COL9A1: variants seen among roughly 807,000 people sequenced by gnomAD.
COL9A1 encodes the protein collagen alpha-1(IX) chain.
In COL9A1, 104 loss-of-function variants were observed where a neutral mutation model predicts 142.6. That is an observed-to-expected ratio of 0.73 (90% CI 0.62 to 0.86). The LOEUF (loss-of-function observed/expected upper bound fraction) is 0.86, where lower values mean the gene tolerates loss of function less well. Among genes scored for constraint, COL9A1 ranks in the 40% least tolerant of loss-of-function variants. COL9A1 has a pLI of 0.00. For missense variants in COL9A1, 1,210 were observed against 1,176.6 expected, an observed-to-expected ratio of 1.03 and a Z score of -0.42; for synonymous variants, 466 against 396.0, an observed-to-expected ratio of 1.18 and a Z score of -2.10.
chr6:70,287,781 A>G (rs1773513105), intron 5 of COL9A1, among the ~76,000 whole-genome samples: 2 of 152,088 alleles, frequency 1.3e-5, no homozygotes, highest in African/African-American at 2.4e-5. Flanking sequence ...TTCTTATTCT[A>G]TCCTTTTTGA....
rs1185236607 is a variant in COL9A1 at position 70,216,467 on chromosome 6, A to C, written c.*430T>G. 15 of 216,210 alleles carry C rather than the reference A, an allele frequency of 6.9e-5. No individual in the cohort carries two copies. The highest frequency in any genetic ancestry group is 1.9e-5 in the Non-Finnish European group (2 of 105,818). 13.4% of individuals were successfully genotyped at this position (216,210 alleles called of 1,614,324 possible). ...TTCATAACTAGTCTAGTAATCCTCT[A>C]TATAACTGAAACAATAATCTGAGAA... On this transcript the variant is annotated 3_prime_UTR_variant, in exon 38 of 38. Coordinates refer to ENST00000357250, the MANE Select transcript of COL9A1 (RefSeq NM_001851.6).
chr6:70,254,887 G>T, intron 24 of COL9A1, 76 bp downstream of exon 24: 1 of 1,329,476 alleles, frequency 7.5e-7, no homozygotes, highest in Non-Finnish European at 1.1e-6. Flanking sequence ...TGGTGATTTA[G>T]TAATGGAAAT....
chr6:70,236,967 G>A (rs549698968), intron 33 of COL9A1, among the ~76,000 whole-genome samples: 79 of 152,210 alleles, frequency 5.2e-4, no homozygotes, highest in African/African-American at 1.8e-3. Flanking sequence ...GATTACAGGC[G>A]TGCGCCATGA....
intron 13 of COL9A1, 55 bp from the exon 14 acceptor site, chr6:70,271,763 C>T (rs763819499): frequency 1.4e-6 from 2 of 1,456,828 alleles, no homozygotes; most frequent in South Asian, 1.2e-5. Flanking sequence ...TACAATCTAT[C>T]ATACATTATA....
intron 6 of COL9A1, 111 bp from the exon 7 acceptor site, chr6:70,283,029 G>T (rs1314953724): frequency 6.2e-7 from 1 of 1,608,888 alleles, no homozygotes; most frequent in Non-Finnish European, 8.5e-7. Flanking sequence ...CCAGGGCCCC[G>T]CGGTCCCGCG....
chr6:70,217,144 G>C, intron 37 of COL9A1, 63 bp from the exon 38 acceptor site: 2 of 1,559,918 alleles, frequency 1.3e-6, no homozygotes, highest in African/African-American at 1.4e-5. Context: ...AACTGGCAGA[G>C]GGCATGGCTC....
chr6:70,261,743 G>A (rs1771703810), intron 19 of COL9A1, among the ~76,000 whole-genome samples: 1 of 152,150 alleles, frequency 6.6e-6, no homozygotes, highest in Non-Finnish European at 1.5e-5. Flanking sequence ...TTCTTGTGTA[G>A]CTCATTTACT....
At chr6:70,299,921 A>C in intron 4 of COL9A1, 122 bp downstream of exon 4, 1 of 953,010 alleles carries the variant, frequency 1.0e-6, no homozygotes, top group Non-Finnish European at 1.6e-6. Context: ...AAATTTCTTC[A>C]TCTTTAAATA....
chr6:70,283,243 C>T (rs1249668750), intron 6 of COL9A1: 2 of 1,448,600 alleles, frequency 1.4e-6, no homozygotes, highest in Non-Finnish European at 1.8e-6. Flanking sequence ...CGGAGAGGGT[C>T]CTGGGATTGG....
chr6:70,281,554 G>A (rs1773169737), intron 7 of COL9A1, 90 bp from the exon 8 acceptor site: 2 of 1,005,022 alleles, frequency 2.0e-6, no homozygotes, highest in African/African-American at 1.6e-5. Context: ...GCCTCCGTGG[G>A]GTAAAAGTTA....
chr6:70,274,829 A>G (rs1441990655), intron 10 of COL9A1, 57 bp from the exon 11 acceptor site: 3 of 1,397,326 alleles, frequency 2.1e-6, no homozygotes, highest in Non-Finnish European at 3.0e-6. Context: ...GCAAACCACT[A>G]AGTAGAAAAC....
intron 10 of COL9A1, 52 bp downstream of exon 10, chr6:70,280,754 TTACTCG>T: frequency 6.9e-7 from 1 of 1,439,276 alleles, no homozygotes; most frequent in Non-Finnish European, 9.6e-7. Context: ...AAACACACAC[TTACTCG>T]TACCCACCAC....
intron 14 of COL9A1, 104 bp downstream of exon 14, chr6:70,271,551 T>C: frequency 2.2e-6 from 2 of 896,658 alleles, no homozygotes; most frequent in Non-Finnish European, 3.7e-6. Flanking sequence ...ATCTGCCATG[T>C]TTTGGTTTGC....
At chr6:70,277,892 A>G (rs970249297) in intron 10 of COL9A1, among the ~76,000 whole-genome samples, 1 of 152,242 alleles carries the variant, frequency 6.6e-6, no homozygotes, top group Non-Finnish European at 1.5e-5. Context: ...AGGTTCACCT[A>G]CCAAGAAAGG....
chr6:70,235,432 A>G (rs12153874), intron 33 of COL9A1, among the ~76,000 whole-genome samples: 54,519 of 151,698 alleles, frequency 0.36, 11,824 homozygotes, highest in Non-Finnish European at 0.5. Flanking sequence ...CAGCCTGGGC[A>G]ACATAGTAAG....
Position 70,280,818 on chromosome 6 carries a change from G to A in COL9A1, c.969C>T (p.Gly323=), listed in dbSNP as rs369670041. Residue 323 remains glycine (G), a synonymous_variant, in exon 10 of 38, where the codon GGC becomes GGT. Coordinates refer to ENST00000357250, the MANE Select transcript of COL9A1 (RefSeq NM_001851.6). ...CCAGCACTCGCCTACTCACATCAGCGCCAGGTGTGCCAGGCTTGCCTGGAG... is the reference window on the plus strand; with the variant it reads ...CCAGCACTCGCCTACTCACATCAGCACCAGGTGTGCCAGGCTTGCCTGGAG... ...PGAPGKPGTP[G]ADGLTGPDGS... 1.2e-6 allele frequency: 2 copies of A among 1,612,336 alleles called. No homozygotes were observed. Among genetic ancestry groups the A allele is most frequent in the East Asian group, 2.2e-5 (1 of 44,808 alleles).
At position 70,295,666 on chromosome 6, in the gene COL9A1, T is replaced by C. The variant is rs998329206; in HGVS notation, c.300-1103A>G. ...GCTTTAAATGGCAGAATAAAACCAG[T>C]AGTGTCCCTGAGGCATCTCTACCCT... is the stretch of plus-strand genomic sequence containing the variant. On this transcript the variant is annotated intron_variant, in intron 4 of 37. Coordinates refer to ENST00000357250, the MANE Select transcript of COL9A1 (RefSeq NM_001851.6). Among the ~76,000 whole-genome samples the C allele has an allele frequency of 8.5e-5, 13 of 152,108 alleles. 1 individual carries two copies. Among genetic ancestry groups the C allele is most frequent in the Non-Finnish European group, 2.9e-5 (2 of 68,010 alleles).
Position 70,268,814 on chromosome 6 carries a change from G to C in COL9A1, c.1277C>G (p.Pro426Arg). The C allele has an allele frequency of 1.2e-6, 2 of 1,613,372 alleles. No individual in the cohort carries two copies. Among genetic ancestry groups the C allele is most frequent in the Non-Finnish European group, 1.7e-6 (2 of 1,179,424 alleles). The part of the protein sequence containing the change: ...PPGRSGYPGL[P>R]GMRGHKGAKG... ...AAGTTATTCTCTTACCCTCATGCCT[G>C]GTAGGCCTGGATATCCTGAGCGACC... Residue 426 changes from proline to arginine, a missense_variant, in exon 17 of 38, where the codon CCA becomes CGA. Transcript: ENST00000357250.
At position 70,227,424 on chromosome 6, in the gene COL9A1, T is replaced by TAAAAAAAAAAAAAAAAAAA. The variant is rs11407353; in HGVS notation, c.2504-1434_2504-1416dup. ...CTCATAACAAAATAAATGCAAATTGTAAAAAAAAAAAAAAAAAAAAAAAAG... is the reference window on the plus strand; with the variant it reads ...CTCATAACAAAATAAATGCAAATTGTAAAAAAAAAAAAAAAAAAAAAAAAAAAAAAAAAAAAAAAAAAAG... On this transcript the variant is annotated intron_variant, in intron 36 of 37. Coordinates refer to ENST00000357250, the MANE Select transcript of COL9A1 (RefSeq NM_001851.6). 5.8e-4 allele frequency among the ~76,000 whole-genome samples: 29 copies of TAAAAAAAAAAAAAAAAAAA among 50,026 alleles called. 1 individual carries two copies. The highest frequency in any genetic ancestry group is 3.0e-3 in the African/African-American group (27 of 8,860). 32.8% of individuals were successfully genotyped at this position (50,026 alleles called of 152,430 possible).
Sources: gnomAD v4.1 joint callset for allele counts (sites outside exome capture counted in the v4.1 genomes callset) on GRCh38, gnomAD v4.1.1 for gene constraint, MANE v1.5 for transcripts, NCBI Gene and HGNC (gene_info 2026-07-23, HGNC 2026-07-21) for gene names.